Variants in PLAA observed in about 807,000 individuals in gnomAD.
The protein encoded by PLAA is phospholipase A2 activating protein.
Under a neutral mutation model 84.1 loss-of-function variants are expected in PLAA, and 48 were observed. The observed-to-expected ratio is 0.57, with a 90% CI of 0.45 to 0.73. The LOEUF (loss-of-function observed/expected upper bound fraction) is 0.73, where lower values mean the gene tolerates loss of function less well. PLAA is among the 30% of genes least tolerant of loss of function. The probability of loss-of-function intolerance (pLI) is 0.00; values close to 1 mark genes in which losing one functional copy is unlikely to be tolerated. For synonymous variants in PLAA, 392 were observed against 336.6 expected (o/e 1.16, Z -1.80); for missense variants, 903 against 954.7 (o/e 0.95, Z 0.71).
intron 1 of PLAA, among the ~76,000 whole-genome samples, chr9:26,943,442 CA>C (rs1300159901): frequency 6.6e-6 from 1 of 152,116 alleles, no homozygotes; most frequent in Non-Finnish European, 1.5e-5. Flanking sequence ...ACATGGAAAG[CA>C]GTGGTAAATT....
At chr9:26,915,291 A>T (rs1027759923) in intron 10 of PLAA, among the ~76,000 whole-genome samples, 2 of 152,172 alleles carry the variant, frequency 1.3e-5, no homozygotes, top group Non-Finnish European at 2.9e-5. Flanking sequence ...AGATCAGAGC[A>T]TGAATAATTT....
chr9:26,930,676 A>C (rs1378862579), intron 2 of PLAA, among the ~76,000 whole-genome samples: 1 of 149,626 alleles, frequency 6.7e-6, no homozygotes, highest in Non-Finnish European at 1.5e-5. Flanking sequence ...TCCGCTTCCG[A>C]GGCACAAGTG....
At chr9:26,909,358 ATAC>A (rs1211432863) in intron 12 of PLAA, among the ~76,000 whole-genome samples, 1 of 152,232 alleles carries the variant, frequency 6.6e-6, no homozygotes, top group Non-Finnish European at 1.5e-5. Flanking sequence ...AAGTGTGCAT[ATAC>A]TACATTATTC....
chr9:26,933,813 A>AAAAAT (rs1245021919), intron 2 of PLAA, among the ~76,000 whole-genome samples: 2 of 146,160 alleles, frequency 1.4e-5, no homozygotes, highest in Non-Finnish European at 3.0e-5. Flanking sequence ...AAAAAAAAAA[A>AAAAAT]TTTTTTGTTT....
At chr9:26,931,864 C>T (rs1171425555) in intron 2 of PLAA, among the ~76,000 whole-genome samples, 2 of 152,102 alleles carry the variant, frequency 1.3e-5, no homozygotes, top group East Asian at 3.9e-4. Flanking sequence ...CAACATGGAT[C>T]ACCAGAGGTC....
intron 1 of PLAA, among the ~76,000 whole-genome samples, chr9:26,941,154 G>GACA (rs1479832947): frequency 6.5e-5 from 3 of 46,290 alleles, no homozygotes; most frequent in Non-Finnish European, 1.1e-4. Context: ...AAGGTATTAA[G>GACA]ACAAAAAAAA....
intron 1 of PLAA, among the ~76,000 whole-genome samples, chr9:26,938,793 T>C (rs1825436866): frequency 1.3e-5 from 2 of 152,190 alleles, no homozygotes; most frequent in Non-Finnish European, 2.9e-5. Context: ...TAAAAGCTAA[T>C]GATATTGTAA....
intron 2 of PLAA, among the ~76,000 whole-genome samples, chr9:26,930,314 T>A (rs548426980): frequency 5.3e-5 from 8 of 152,064 alleles, no homozygotes; most frequent in Admixed American, 3.9e-4. Flanking sequence ...CCGTGTTAGC[T>A]AGGATGGTCT....
At chr9:26,939,398 A>G (rs950663504) in intron 1 of PLAA, among the ~76,000 whole-genome samples, 1 of 151,658 alleles carries the variant, frequency 6.6e-6, no homozygotes, top group East Asian at 1.9e-4. Context: ...AAAAAAAGAT[A>G]AAAATAAAAT....
Position 26,905,624 on chromosome 9 carries a change from CA to C in PLAA, c.2274del (p.Asn758LysfsTer5). The C allele has an allele frequency of 6.2e-7, 1 of 1,614,056 alleles. No homozygotes were observed. The highest frequency in any genetic ancestry group is 8.5e-7 in the Non-Finnish European group (1 of 1,179,936). On this transcript the variant is annotated frameshift_variant, in exon 14 of 14. Transcript: ENST00000397292. LOFTEE classifies it high-confidence loss of function. Reference sequence around the variant, plus strand: ...CCTAAAGACTTGGCTAATTGTACAGCATTTGAATCATCACTGATAAGTGTTC... The same window carrying C: ...CCTAAAGACTTGGCTAATTGTACAGCTTTGAATCATCACTGATAAGTGTTC... ...ALGTLISDDS[N>X]AVQLAKSLGV...
chr9:26,916,720 A>T (rs972276427), intron 10 of PLAA: 55 of 965,066 alleles, frequency 5.7e-5, no homozygotes, highest in South Asian at 2.3e-4. Flanking sequence ...TTTCACAGAT[A>T]AAAAAAATAG....
At chr9:26,937,116 G>T (rs908374054) in intron 1 of PLAA, among the ~76,000 whole-genome samples, 3 of 152,030 alleles carry the variant, frequency 2.0e-5, no homozygotes, top group South Asian at 4.1e-4. Context: ...ACTCCAGCCT[G>T]GGGGGACAAC....
rs139711394 is a variant in PLAA, at chr9:26,926,253, T to C, written c.733+140A>G. ...TTCTTCTTTGTAAACAGGAGAAAGATACTTAATGAAATAAATTTACTAAAT... is the reference window on the plus strand; with the variant it reads ...TTCTTCTTTGTAAACAGGAGAAAGACACTTAATGAAATAAATTTACTAAAT... On this transcript the variant is annotated intron_variant, in intron 5 of 13. Coordinates refer to ENST00000397292, the MANE Select transcript of PLAA (RefSeq NM_001031689.3). The C allele has an allele frequency of 9.7e-4, 602 of 620,264 alleles. 2 individuals are homozygous for C. Among genetic ancestry groups the C allele is most frequent in the African/African-American group, 8.3e-3 (453 of 54,504 alleles). The allele number at this position is 620,264 out of a possible 1,614,324, so 38.4% of individuals were successfully genotyped here. A position where few individuals can be genotyped will look rare whatever the true frequency, so the allele number is the denominator to read the frequency against.
intron 10 of PLAA, chr9:26,916,104 T>C: frequency 1.0e-6 from 1 of 985,430 alleles, no homozygotes; most frequent in Non-Finnish European, 1.2e-6. Flanking sequence ...GGGCCATCAA[T>C]AAATTCACAG....
rs67138338 is a variant in PLAA, at chr9:26,934,475, C to CTT, written c.343+536_343+537dup. ...GCCTCTTTTATTACTGAACACTTTA[C>CTT]TTTTTTTTTTTTTTTTTTTTTTTGA... is the stretch of plus-strand genomic sequence containing the variant. On this transcript the variant is annotated intron_variant, in intron 2 of 13. Transcript: ENST00000397292. Among the ~76,000 whole-genome samples, 323 of 93,314 alleles carry CTT rather than the reference C, an allele frequency of 3.5e-3. 4 individuals are homozygous for CTT. Among genetic ancestry groups the CTT allele is most frequent in the East Asian group, 0.018 (55 of 3,028 alleles). 61.2% of individuals were successfully genotyped at this position (93,314 alleles called of 152,430 possible). A position where few individuals can be genotyped will look rare whatever the true frequency, so the allele number is the denominator to read the frequency against.
intron 1 of PLAA, among the ~76,000 whole-genome samples, chr9:26,943,196 T>C (rs1006779925): frequency 2.6e-5 from 4 of 152,152 alleles, no homozygotes; most frequent in African/African-American, 9.7e-5. Context: ...AGACCTGAAG[T>C]AGTCTGAAAC....
chr9:26,946,821 C>G lies in PLAA; in HGVS notation c.149+76G>C, dbSNP rs1332725707. On this transcript the variant is annotated intron_variant, in intron 1 of 13. Transcript: ENST00000397292. The stretch of plus-strand genomic sequence containing the variant: ...GGGGAGAGAGAGACGGCAGGACTGA[C>G]AGGGAAGGGTCACTCTCCTTCCACT... The G allele has an allele frequency of 5.5e-6, 8 of 1,453,504 alleles. No individual in the cohort carries two copies. The East Asian group carries it at 2.0e-4, about 37-fold the overall frequency. The allele number at this position is 1,453,504 out of a possible 1,614,324, so 90.0% of individuals were successfully genotyped here.
chr9:26,946,512 G>GAAA (rs75570453), intron 1 of PLAA, among the ~76,000 whole-genome samples: 9,327 of 122,872 alleles, frequency 0.076, 1,000 homozygotes, highest in East Asian at 0.55. Flanking sequence ...CATCTTCTTC[G>GAAA]AAAAAAAAAA....
intron 10 of PLAA, chr9:26,916,103 A>G: frequency 1.0e-6 from 1 of 985,436 alleles, no homozygotes; most frequent in Non-Finnish European, 1.2e-6. Flanking sequence ...TGGGCCATCA[A>G]TAAATTCACA....
Sources: gnomAD v4.1 joint callset for allele counts (sites outside exome capture counted in the v4.1 genomes callset) on GRCh38, gnomAD v4.1.1 for gene constraint, MANE v1.5 for transcripts, NCBI Gene and HGNC (gene_info 2026-07-23, HGNC 2026-07-21) for gene names.